TSPAN1: variants seen among roughly 807,000 people sequenced by gnomAD.
The protein encoded by TSPAN1 is tetraspanin 1, also known as tetraspanin-1.
TSPAN1 carries 23 observed loss-of-function variants against 26.9 expected under a neutral mutation model. The observed-to-expected ratio is 0.85, with a 90% CI of 0.62 to 1.21. TSPAN1 has a LOEUF of 1.21. Among genes scored for constraint, TSPAN1 ranks in the 50% most tolerant of loss-of-function variants. TSPAN1 has a pLI of 0.00. For missense variants in TSPAN1, 283 were observed against 298.4 expected (o/e 0.95, Z 0.38); for synonymous variants, 115 against 114.8 (o/e 1.00, Z -0.01).
chr1:46,185,563 C>T lies in TSPAN1; in HGVS notation c.*30C>T, dbSNP rs1221004399. On this transcript the variant is annotated 3_prime_UTR_variant, in exon 9 of 9. Coordinates refer to ENST00000372003, the MANE Select transcript of TSPAN1 (RefSeq NM_005727.4). ...ACTTCTGCCTCTGCCACTACTGCTG[C>T]CACATGGGAACTGTGAAGAGGCACC... is the stretch of plus-strand genomic sequence containing the variant. 6.2e-7 allele frequency: 1 copy of T among 1,612,756 alleles called. No individual in the cohort carries two copies. The highest frequency in any genetic ancestry group is 8.5e-7 in the Non-Finnish European group (1 of 1,179,044).
chr1:46,195,536 G>C, the TSPAN1 span: 3 of 497,680 alleles, frequency 6.0e-6, no homozygotes, highest in African/African-American at 5.8e-5. Flanking sequence ...GGCTGTTTCT[G>C]TTGACCTCCC....
At chr1:46,192,688 C>A in the TSPAN1 span, 1 of 1,600,740 alleles carries the variant, frequency 6.2e-7, no homozygotes, top group Non-Finnish European at 8.5e-7. Context: ...AGGAGCACCT[C>A]CTTCCTGGAG....
chr1:46,195,772 C>T, the TSPAN1 span: 1 of 1,537,928 alleles, frequency 6.5e-7, no homozygotes, highest in Non-Finnish European at 8.8e-7. Context: ...AGGGTTGGAG[C>T]TAGGGAGTAG....
chr1:46,178,685 C>T (rs1202097750), intron 1 of TSPAN1, among the ~76,000 whole-genome samples: 1 of 152,194 alleles, frequency 6.6e-6, no homozygotes, highest in Non-Finnish European at 1.5e-5. Flanking sequence ...GGAAGCCAGC[C>T]TTGTCTGCCT....
At chr1:46,184,469 C>T in intron 4 of TSPAN1, 72 bp downstream of exon 4, 1 of 1,610,096 alleles carries the variant, frequency 6.2e-7, no homozygotes, top group Non-Finnish European at 8.5e-7. Flanking sequence ...CCTGGGATTC[C>T]CAAACCCTGC....
chr1:46,182,148 C>T lies in TSPAN1; in HGVS notation c.57+984C>T, dbSNP rs147134532. ...GCCTGGTTTGTGGGAAGGGGTGTCCCACTAGCAGATGTGTACCCAGTGGAG... is the reference window on the plus strand; with the variant it reads ...GCCTGGTTTGTGGGAAGGGGTGTCCTACTAGCAGATGTGTACCCAGTGGAG... On this transcript the variant is annotated intron_variant, in intron 3 of 8. Transcript: ENST00000372003. Among the ~76,000 whole-genome samples, 12 of 151,406 alleles carry T rather than the reference C, an allele frequency of 7.9e-5. No individual in the cohort carries two copies. The East Asian group carries it at 2.3e-3, about 29-fold the overall frequency.
At chr1:46,184,937 C>T (rs1348727088) in intron 6 of TSPAN1, 23 bp from the exon 7 acceptor site, 3 of 1,614,192 alleles carry the variant, frequency 1.9e-6, no homozygotes, top group Non-Finnish European at 2.5e-6. Flanking sequence ...AAGGCCCCAC[C>T]TCCACCCTCA....
At chr1:46,176,626 C>G in intron 1 of TSPAN1, 1 of 977,822 alleles carries the variant, frequency 1.0e-6, no homozygotes, top group Non-Finnish European at 1.5e-6. Context: ...TCACAATCTT[C>G]TTTATTGGGT....
At chr1:46,176,376 G>A (rs980112967) in intron 1 of TSPAN1, 9 of 1,535,740 alleles carry the variant, frequency 5.9e-6, no homozygotes, top group Non-Finnish European at 7.8e-6. Flanking sequence ...TGAACATCCT[G>A]GGAAATCGGG....
chr1:46,193,607 A>G, the TSPAN1 span: 1 of 1,614,080 alleles, frequency 6.2e-7, no homozygotes, highest in Non-Finnish European at 8.5e-7. Context: ...CTGAGGAGAC[A>G]CCCCCTGGGC....
the TSPAN1 span, chr1:46,195,775 G>A: frequency 5.2e-6 from 8 of 1,542,328 alleles, no homozygotes; most frequent in Admixed American, 1.2e-4. Flanking sequence ...GTTGGAGCTA[G>A]GGAGTAGGGG....
chr1:46,192,503 G>A, the TSPAN1 span: 23 of 1,614,130 alleles, frequency 1.4e-5, no homozygotes, highest in Non-Finnish European at 1.9e-5. Flanking sequence ...CTAAACCCTG[G>A]TCATTCCAGC....
chr1:46,185,633 G>A lies in TSPAN1; in HGVS notation c.*100G>A. 1 of 1,387,832 alleles carries A rather than the reference G, an allele frequency of 7.2e-7. No homozygotes were observed. The highest frequency in any genetic ancestry group is 1.0e-6 in the Non-Finnish European group (1 of 989,424). The allele number at this position is 1,387,832 out of a possible 1,614,324, so 86.0% of individuals were successfully genotyped here. On this transcript the variant is annotated 3_prime_UTR_variant, in exon 9 of 9. Coordinates refer to ENST00000372003, the MANE Select transcript of TSPAN1 (RefSeq NM_005727.4). The stretch of plus-strand genomic sequence containing the variant: ...GGGGGAGGGGACAGGATCTAACAAT[G>A]TCACTTGGGCCAGAATGGACCTGCC...
At position 46,184,274 on chromosome 1, in the gene TSPAN1, G is replaced by A. The variant is rs761589459; in HGVS notation, c.141G>A (p.Ser47=). Residue 47 remains serine (S), a synonymous_variant, in exon 4 of 9, where the codon TCG becomes TCA. Transcript: ENST00000372003. ...TTCTGAAGATCTTCGGGCCACTGTC[G>A]TCCAGTGCCATGCAGTTTGTCAACG... ...ASFLKIFGPL[S]SSAMQFVNVG... The A allele has an allele frequency of 4.7e-5, 76 of 1,614,044 alleles. No homozygotes were observed. In the East Asian group the frequency reaches 5.1e-4, roughly 11 times the overall value.
intron 2 of TSPAN1, 96 bp downstream of exon 2, chr1:46,180,754 G>C (rs1657297551): frequency 9.7e-6 from 3 of 310,150 alleles, no homozygotes; most frequent in Middle Eastern, 1.9e-3. Flanking sequence ...TTCTGGGAGG[G>C]TCTGGGGTTA....
Position 46,175,303 on chromosome 1 carries a change from G to A in TSPAN1, c.-248G>A. 3.2e-6 allele frequency: 1 copy of A among 315,846 alleles called. No individual in the cohort carries two copies. Among genetic ancestry groups the A allele is most frequent in the Non-Finnish European group, 5.7e-6 (1 of 174,190 alleles). 19.6% of individuals were successfully genotyped at this position (315,846 alleles called of 1,614,324 possible). A position where few individuals can be genotyped will look rare whatever the true frequency, so the allele number is the denominator to read the frequency against. On this transcript the variant is annotated 5_prime_UTR_variant, in exon 1 of 9. Transcript: ENST00000372003. ...AAGGCAAGAGAGCCCCTACTTCATGGGGCAGATCAAGAGCTGAGACCAAAG... is the reference window on the plus strand; with the variant it reads ...AAGGCAAGAGAGCCCCTACTTCATGAGGCAGATCAAGAGCTGAGACCAAAG...
At chr1:46,192,320 A>C in the TSPAN1 span, 3 of 1,614,044 alleles carry the variant, frequency 1.9e-6, no homozygotes, top group Admixed American at 5.0e-5. Flanking sequence ...TTTCCGGTGT[A>C]GGCCACTTGG....
chr1:46,179,964 A>AGAGTGTGTGTGTGTGTGTGT (rs1657275164), intron 1 of TSPAN1, among the ~76,000 whole-genome samples: 5 of 146,788 alleles, frequency 3.4e-5, no homozygotes, highest in African/African-American at 1.3e-4. Flanking sequence ...AGAAAGAGGG[A>AGAGTGTGTGTGTGTGTGTGT]GTGTGTGTGT....
chr1:46,175,872 G>GTT (rs34832129), intron 1 of TSPAN1: 2,745 of 305,548 alleles, frequency 9.0e-3, no homozygotes, highest in East Asian at 0.018. Context: ...ACTGGCTCTG[G>GTT]TTTTTTTTTT....
Sources: gnomAD v4.1 joint callset for allele counts (sites outside exome capture counted in the v4.1 genomes callset) on GRCh38, gnomAD v4.1.1 for gene constraint, MANE v1.5 for transcripts, NCBI Gene and HGNC (gene_info 2026-07-23, HGNC 2026-07-21) for gene names.